Variants in ACOX3 observed in about 807,000 individuals in gnomAD.
The protein encoded by ACOX3 is peroxisomal acyl-coenzyme A oxidase 3.
A neutral mutation model predicts 81.5 loss-of-function variants in ACOX3; 73 were observed. The observed-to-expected ratio is 0.90, with a 90% CI of 0.74 to 1.09. The LOEUF is 1.09. Ranked by LOEUF, ACOX3 falls within the 50% of genes least tolerant of loss-of-function variation. The pLI is 0.00. For synonymous variants in ACOX3, 387 were observed against 375.1 expected, an observed-to-expected ratio of 1.03 and a Z score of -0.37; for missense variants, 947 against 928.0, an observed-to-expected ratio of 1.02 and a Z score of -0.27.
chr4:8,419,896 C>A lies in ACOX3; in HGVS notation c.-14-3361G>T, dbSNP rs999112287. On this transcript the variant is annotated intron_variant, in intron 1 of 17. Transcript: ENST00000356406. This position sits in a 1 kb window ranked among gnomAD's most constrained non-coding sequence, Gnocchi z 4.2. Reference sequence around the variant, plus strand: ...TCATGTTGGAATTCCCCTCTCCATGCGCCATAACCTCAGTACATTACCAAG... The same window carrying A: ...TCATGTTGGAATTCCCCTCTCCATGAGCCATAACCTCAGTACATTACCAAG... Among the ~76,000 whole-genome samples the A allele has an allele frequency of 6.6e-6, 1 of 152,186 alleles. No homozygotes were observed. The highest frequency in any genetic ancestry group is 1.5e-5 in the Non-Finnish European group (1 of 68,036).
At chr4:8,358,866 G>T in the ACOX3 span, among the ~76,000 whole-genome samples, 2 of 152,318 alleles carry the variant, frequency 1.3e-5, no homozygotes, top group African/African-American at 4.8e-5. Context: ...GGGCTGCTTT[G>T]TCTATGGGTA....
rs1462714109 is a variant in ACOX3, at chr4:8,385,030, C to A, written c.1538-3423G>T. 6.6e-6 allele frequency among the ~76,000 whole-genome samples: 1 copy of A among 152,182 alleles called. No homozygotes were observed. The highest frequency in any genetic ancestry group is 1.5e-5 in the Non-Finnish European group (1 of 68,020). On this transcript the variant is annotated intron_variant, in intron 13 of 17. Coordinates refer to ENST00000356406, the MANE Select transcript of ACOX3 (RefSeq NM_003501.3). The surrounding 1 kb of genome is among the most constrained non-coding windows in gnomAD (Gnocchi z 5.5). ...ACTGTGGCCCCCCACACGCAGCAGC[C>A]CCCCACCGAGGGCACCATGGCCTGG...
Position 8,406,053 on chromosome 4 carries a change from G to A in ACOX3, c.688-10C>T, listed in dbSNP as rs1720913626. ...TCTTCGGGTCCCGGATCTATACAAA[G>A]CCACAGAAAGCAGCAAACAGCAACT... On this transcript the variant is annotated splice_polypyrimidine_tract_variant and intron_variant, in intron 6 of 17. Coordinates refer to ENST00000356406, the MANE Select transcript of ACOX3 (RefSeq NM_003501.3). The surrounding 1 kb of genome is among the most constrained non-coding windows in gnomAD (Gnocchi z 5.6). 1 of 1,612,714 alleles carries A rather than the reference G, an allele frequency of 6.2e-7. No individual in the cohort carries two copies. Among genetic ancestry groups the A allele is most frequent in the Middle Eastern group, 1.7e-4 (1 of 6,060 alleles).
the ACOX3 span, among the ~76,000 whole-genome samples, chr4:8,358,503 C>T: frequency 1.3e-5 from 2 of 152,090 alleles, no homozygotes; most frequent in South Asian, 4.1e-4. Context: ...TGAATATGAG[C>T]TGGGTAAAAT....
rs1719720360 is a variant in ACOX3, at chr4:8,396,624, C to CA, written c.1056+312_1056+313insT. On this transcript the variant is annotated intron_variant, in intron 9 of 17. Transcript: ENST00000356406. ...CCTGGGAGGCGGAGGTTGCAGTGAGCCAAGATCATGCCCACTGCACTCCAG... is the reference window on the plus strand; with the variant it reads ...CCTGGGAGGCGGAGGTTGCAGTGAGCACAAGATCATGCCCACTGCACTCCAG... 2.7e-5 allele frequency among the ~76,000 whole-genome samples: 4 copies of CA among 150,000 alleles called. No homozygotes were observed. The South Asian group carries it at 6.3e-4, about 24-fold the overall frequency.
downstream of ACOX3, among the ~76,000 whole-genome samples, chr4:8,364,679 C>A (rs755215572): frequency 1.3e-5 from 2 of 152,228 alleles, no homozygotes; most frequent in African/African-American, 4.8e-5. The surrounding 1 kb of genome is among the most constrained non-coding windows in gnomAD (Gnocchi z 5.0). Flanking sequence ...ATATATGACA[C>A]CGAAGTCAAA....
At chr4:8,371,559 T>TGATGAAATGC (rs149874676) in intron 16 of ACOX3, among the ~76,000 whole-genome samples, 6,265 of 152,316 alleles carry the variant, frequency 0.041, 206 homozygotes, top group African/African-American at 0.099. Flanking sequence ...CCTTAAAATA[T>TGATGAAATGC]GATGAAATGC....
At position 8,405,490 on chromosome 4, in the gene ACOX3, TTC is replaced by T. The variant is rs1231991267; in HGVS notation, c.776+463_776+464del. ...TGATTAAACAAATAAGCCAGCGGAATTCTCTTTCTAAGTGCTGTGACACTGGG... is the reference window on the plus strand; with the variant it reads ...TGATTAAACAAATAAGCCAGCGGAATTCTTTCTAAGTGCTGTGACACTGGG... On this transcript the variant is annotated intron_variant, in intron 7 of 17. Coordinates refer to ENST00000356406, the MANE Select transcript of ACOX3 (RefSeq NM_003501.3). The surrounding 1 kb of genome is among the most constrained non-coding windows in gnomAD (Gnocchi z 7.1). Among the ~76,000 whole-genome samples the T allele has an allele frequency of 1.6e-4, 25 of 152,250 alleles. No homozygotes were observed. Among genetic ancestry groups the T allele is most frequent in the African/African-American group, 5.8e-4 (24 of 41,464 alleles).
At position 8,433,998 on chromosome 4, in the gene ACOX3, A is replaced by C. The variant is rs113673849; in HGVS notation, c.-15+6650T>G. On this transcript the variant is annotated intron_variant, in intron 1 of 17. Coordinates refer to ENST00000356406, the MANE Select transcript of ACOX3 (RefSeq NM_003501.3). ...CAAAAAGTTAGAAAGAAACAAAAGT[A>C]AGATAAATAGCCAGACAACCTTGGC... Among the ~76,000 whole-genome samples, 1,468 of 152,318 alleles carry C rather than the reference A, an allele frequency of 9.6e-3. 26 individuals are homozygous for C. The highest frequency in any genetic ancestry group is 0.033 in the African/African-American group (1,390 of 41,556).
chr4:8,391,446 G>A (rs768759219), intron 11 of ACOX3, among the ~76,000 whole-genome samples: 2 of 152,248 alleles, frequency 1.3e-5, no homozygotes, highest in Non-Finnish European at 2.9e-5. Flanking sequence ...AGAGAGTTTT[G>A]CTGATGCTGT....
chr4:8,414,450 A>C lies in ACOX3; in HGVS notation c.454-69T>G. On this transcript the variant is annotated intron_variant, in intron 4 of 17. Coordinates refer to ENST00000356406, the MANE Select transcript of ACOX3 (RefSeq NM_003501.3). The surrounding 1 kb of genome is among the most constrained non-coding windows in gnomAD (Gnocchi z 6.1). ...TTGTGCACATTCCCAGAAGGACCTC[A>C]CTGCCATCTTTCCTTTAAAGATGAA... The C allele has an allele frequency of 2.2e-6, 3 of 1,359,664 alleles. No individual in the cohort carries two copies. Among genetic ancestry groups the C allele is most frequent in the Non-Finnish European group, 3.2e-6 (3 of 951,256 alleles). 84.2% of individuals were successfully genotyped at this position (1,359,664 alleles called of 1,614,324 possible).
intron 5 of ACOX3, among the ~76,000 whole-genome samples, chr4:8,413,368 C>T (rs554480923): frequency 2.6e-4 from 37 of 141,842 alleles, no homozygotes; most frequent in Admixed American, 3.5e-4. Context: ...GCCCATCTCC[C>T]TCCACCCCTG....
intron 1 of ACOX3, among the ~76,000 whole-genome samples, chr4:8,425,267 T>C (rs1437807554): frequency 6.6e-6 from 1 of 151,914 alleles, no homozygotes; most frequent in Non-Finnish European, 1.5e-5. Flanking sequence ...GACCCTCCAT[T>C]AGAAATGCTT....
intron 13 of ACOX3, among the ~76,000 whole-genome samples, chr4:8,383,809 A>C (rs1254271052): frequency 1.3e-5 from 2 of 152,168 alleles, no homozygotes; most frequent in East Asian, 3.9e-4. Context: ...CTGTTCCTAA[A>C]GGCTCTGCAA....
chr4:8,356,952 G>C, the ACOX3 span: 1 of 444,742 alleles, frequency 2.2e-6, no homozygotes. Flanking sequence ...AGAAGGTGAA[G>C]TGAGCAGAAT....
chr4:8,424,137 T>C (rs941706286), intron 1 of ACOX3, among the ~76,000 whole-genome samples: 13 of 152,172 alleles, frequency 8.5e-5, no homozygotes, highest in Non-Finnish European at 1.9e-4. Flanking sequence ...CTTATCCTTA[T>C]CCCAAAACCA....
At chr4:8,422,130 G>A (rs1280156295) in intron 1 of ACOX3, among the ~76,000 whole-genome samples, 1 of 151,958 alleles carries the variant, frequency 6.6e-6, no homozygotes, top group Non-Finnish European at 1.5e-5. Context: ...GAGAATGAGA[G>A]GGAAAGAGAA....
At chr4:8,404,958 T>A (rs557516094) in intron 7 of ACOX3, among the ~76,000 whole-genome samples, 1 of 152,100 alleles carries the variant, frequency 6.6e-6, no homozygotes, top group South Asian at 2.1e-4. Context: ...AGTCCAGCAT[T>A]CGCAGTGAGG....
Position 8,366,702 on chromosome 4 carries a change from C to T in ACOX3, c.*259G>A, listed in dbSNP as rs1715484749. The T allele has an allele frequency of 3.2e-6, 1 of 309,302 alleles. No individual in the cohort carries two copies. Among genetic ancestry groups the T allele is most frequent in the East Asian group, 6.2e-5 (1 of 16,118 alleles). The allele number at this position is 309,302 out of a possible 1,614,324, so 19.2% of individuals were successfully genotyped here. On this transcript the variant is annotated 3_prime_UTR_variant, in exon 18 of 18. Coordinates refer to ENST00000356406, the MANE Select transcript of ACOX3 (RefSeq NM_003501.3). ...TGCGAAATTCTAATTATCAAAAAACCCACGGCGCATCAGGTAGACATGATC... is the reference window on the plus strand; with the variant it reads ...TGCGAAATTCTAATTATCAAAAAACTCACGGCGCATCAGGTAGACATGATC...
Sources: gnomAD v4.1 joint callset for allele counts (sites outside exome capture counted in the v4.1 genomes callset) on GRCh38, gnomAD v4.1.1 for gene constraint, Gnocchi (gnomAD v3.1) non-coding constraint, MANE v1.5 for transcripts, NCBI Gene and HGNC (gene_info 2026-07-23, HGNC 2026-07-21) for gene names.